ATP2C1: variants seen among roughly 807,000 people sequenced by gnomAD.
ATP2C1 encodes calcium-transporting ATPase type 2C member 1.
In ATP2C1, 31 loss-of-function variants were observed where a neutral mutation model predicts 120.5. That is an observed-to-expected ratio of 0.26 (90% CI 0.19 to 0.35). ATP2C1 has a LOEUF of 0.35. Ranked by LOEUF, ATP2C1 falls within the 10% of genes least tolerant of loss-of-function variation. The pLI, the probability that ATP2C1 is intolerant of heterozygous loss-of-function variation, is 1.00. For synonymous variants in ATP2C1, 351 were observed against 358.7 expected (o/e 0.98, Z 0.24); for missense variants, 731 against 1,107.5 (o/e 0.66, Z 4.83).
chr3:130,997,513 G>A lies in ATP2C1; in HGVS notation c.2244-93G>A, dbSNP rs2062683234. The A allele has an allele frequency of 4.2e-6, 5 of 1,202,834 alleles. No homozygotes were observed. The South Asian group carries it at 5.1e-5, about 12-fold the overall frequency. 74.5% of individuals were successfully genotyped at this position (1,202,834 alleles called of 1,614,324 possible). A position where few individuals can be genotyped will look rare whatever the true frequency, so the allele number is the denominator to read the frequency against. ...TTTTGTTTCTATAAGAAAGCATTTA[G>A]TTTGCCGAATAATTGAGGTTAGTGA... On this transcript the variant is annotated intron_variant, in intron 24 of 27. Coordinates refer to ENST00000510168, the MANE Select transcript of ATP2C1 (RefSeq NM_001378687.1).
chr3:130,974,183 CAAATT>C (rs1403550265), intron 17 of ATP2C1, among the ~76,000 whole-genome samples: 10 of 152,154 alleles, frequency 6.6e-5, no homozygotes, highest in Middle Eastern at 3.4e-3. Context: ...ATACAGAAAA[CAAATT>C]AAAGAGGTGG....
chr3:130,966,648 A>C (rs189254067), intron 14 of ATP2C1, among the ~76,000 whole-genome samples: 2 of 151,972 alleles, frequency 1.3e-5, no homozygotes, highest in Non-Finnish European at 2.9e-5. Context: ...GTTTGTCTCT[A>C]CCTCTGATTT....
At chr3:130,895,227 A>G (rs543810033) in intron 2 of ATP2C1, among the ~76,000 whole-genome samples, 19 of 152,308 alleles carry the variant, frequency 1.2e-4, no homozygotes, top group Non-Finnish European at 2.2e-4. Context: ...TATTATGTCT[A>G]GCATTGGGGA....
At chr3:130,935,782 A>C (rs1007501274) in intron 5 of ATP2C1, among the ~76,000 whole-genome samples, 1 of 152,248 alleles carries the variant, frequency 6.6e-6, no homozygotes, top group African/African-American at 2.4e-5. Flanking sequence ...AATGTTCTTG[A>C]TAAAGCAGTA....
intron 20 of ATP2C1, among the ~76,000 whole-genome samples, chr3:130,981,272 T>C (rs189545211): frequency 3.3e-5 from 5 of 152,286 alleles, no homozygotes; most frequent in Admixed American, 3.3e-4. Flanking sequence ...TTTTCTAGAA[T>C]GCACTAAAAA....
intron 1 of ATP2C1, among the ~76,000 whole-genome samples, chr3:130,853,299 G>A (rs771728475): frequency 3.0e-4 from 46 of 152,274 alleles, no homozygotes; most frequent in Non-Finnish European, 6.0e-4. Context: ...AAAGGTTAGA[G>A]CATCCTAGGA....
rs1305333752 is a variant in ATP2C1, at chr3:130,965,038, A to G, written c.1115A>G (p.His372Arg). The part of the protein sequence containing the change: ...VTHIFTSDGL[H>R]AEVTGVGYNQ... ...CACATATTTACTTCAGATGGTCTGC[A>G]TGCTGAGGTACTCTATAGGTTTTTA... is the stretch of plus-strand genomic sequence containing the variant. Residue 372 changes from histidine to arginine, a missense_variant, in exon 14 of 28, where the codon CAT (histidine) becomes CGT (arginine). His to Arg is a conservative substitution (Grantham distance 29). This residue lies in a region of ATP2C1 where 571 missense variants were observed against 845.9 expected (regional missense o/e 0.67). Coordinates refer to ENST00000510168, the MANE Select transcript of ATP2C1 (RefSeq NM_001378687.1). 6.2e-7 allele frequency: 1 copy of G among 1,605,778 alleles called. No homozygotes were observed. Among genetic ancestry groups the G allele is most frequent in the South Asian group, 1.1e-5 (1 of 90,926 alleles).
chr3:130,901,935 G>C (rs1376008911), intron 2 of ATP2C1, among the ~76,000 whole-genome samples: 1 of 152,032 alleles, frequency 6.6e-6, no homozygotes, highest in Non-Finnish European at 1.5e-5. Flanking sequence ...CTGGCATCCA[G>C]TGTGTAGAGA....
intron 1 of ATP2C1, among the ~76,000 whole-genome samples, chr3:130,863,696 G>A (rs1228257116): frequency 6.6e-6 from 1 of 152,140 alleles, no homozygotes; most frequent in South Asian, 2.1e-4. Context: ...TGAATCATGG[G>A]GGCTGGTCTT....
At chr3:130,976,583 A>G (rs1321162395) in intron 18 of ATP2C1, among the ~76,000 whole-genome samples, 1 of 152,126 alleles carries the variant, frequency 6.6e-6, no homozygotes, top group Non-Finnish European at 1.5e-5. Flanking sequence ...TTTAAAGGAA[A>G]ACAACTTTTC....
intron 12 of ATP2C1, among the ~76,000 whole-genome samples, chr3:130,962,129 G>T (rs2060848600): frequency 6.6e-6 from 1 of 151,910 alleles, no homozygotes; most frequent in South Asian, 2.1e-4. Context: ...TTGTTTATCA[G>T]CATTGACTTC....
At chr3:130,885,065 C>T (rs1160095601) in intron 1 of ATP2C1, among the ~76,000 whole-genome samples, 4 of 151,774 alleles carry the variant, frequency 2.6e-5, no homozygotes, top group Admixed American at 2.0e-4. Flanking sequence ...TCTGGAGTAG[C>T]TGGGATTACA....
At chr3:131,014,390 G>C (rs770595282) in intron 26 of ATP2C1, 12 of 1,557,036 alleles carry the variant, frequency 7.7e-6, no homozygotes, top group Non-Finnish European at 1.0e-5. Flanking sequence ...TGTACAGTCT[G>C]TTCAAAGCAA....
intron 11 of ATP2C1, 69 bp downstream of exon 11, chr3:130,956,248 ATTC>A: frequency 1.1e-6 from 1 of 945,668 alleles, no homozygotes; most frequent in Non-Finnish European, 1.6e-6. Flanking sequence ...GGGTGGTGGT[ATTC>A]TAGTTTTATT....
chr3:130,993,744 A>G (rs918835977), intron 21 of ATP2C1, among the ~76,000 whole-genome samples, 188 bp from the exon 22 acceptor site: 1 of 152,220 alleles, frequency 6.6e-6, no homozygotes, highest in African/African-American at 2.4e-5. Context: ...GAATATTAGT[A>G]GCAACTTTTT....
intron 1 of ATP2C1, among the ~76,000 whole-genome samples, chr3:130,887,803 C>T (rs897073187): frequency 6.6e-6 from 1 of 152,180 alleles, no homozygotes; most frequent in Admixed American, 6.5e-5. Flanking sequence ...ACTTCACGAG[C>T]CCACTTGTTG....
intron 2 of ATP2C1, among the ~76,000 whole-genome samples, chr3:130,911,285 G>A (rs1389737818): frequency 2.7e-5 from 4 of 148,008 alleles, no homozygotes; most frequent in African/African-American, 5.0e-5. Flanking sequence ...CTGTGGGATC[G>A]GTAGTGATAT....
chr3:130,905,345 C>T (rs1362898104), intron 2 of ATP2C1, among the ~76,000 whole-genome samples: 1 of 152,000 alleles, frequency 6.6e-6, no homozygotes, highest in African/African-American at 2.4e-5. Context: ...CCATAGGGTC[C>T]ATTTTGGTCT....
At chr3:130,888,641 G>C (rs947483431) in intron 1 of ATP2C1, among the ~76,000 whole-genome samples, 1 of 152,178 alleles carries the variant, frequency 6.6e-6, no homozygotes, top group Non-Finnish European at 1.5e-5. Flanking sequence ...AAGACCACTA[G>C]CCACTGCACT....
Sources: gnomAD v4.1 joint callset for allele counts (sites outside exome capture counted in the v4.1 genomes callset) on GRCh38, gnomAD v4.1.1 for gene constraint, gnomAD v4.1.1 regional missense constraint, MANE v1.5 for transcripts, NCBI Gene and HGNC (gene_info 2026-07-23, HGNC 2026-07-21) for gene names.